Variants in PITRM1 observed in about 807,000 individuals in gnomAD.
PITRM1 encodes the protein pitrilysin metallopeptidase 1.
A neutral mutation model predicts 129.9 loss-of-function variants in PITRM1; 100 were observed. The observed-to-expected ratio is 0.77, with a 90% CI of 0.65 to 0.91. The LOEUF is 0.91. Ranked by LOEUF, PITRM1 falls within the 40% of genes least tolerant of loss-of-function variation. The pLI, the probability that PITRM1 is intolerant of heterozygous loss-of-function variation, is 0.00. For missense variants in PITRM1, 1,471 were observed against 1,318.3 expected, an observed-to-expected ratio of 1.12 and a Z score of -1.79; for synonymous variants, 591 against 508.8, an observed-to-expected ratio of 1.16 and a Z score of -2.17.
chr10:3,168,447 A>G (rs901034297), intron 2 of PITRM1, among the ~76,000 whole-genome samples: 5 of 147,246 alleles, frequency 3.4e-5, no homozygotes, highest in African/African-American at 1.3e-4. Context: ...AGTGGCTCAC[A>G]CCTATAATCC....
chr10:3,147,585 C>G lies in PITRM1; in HGVS notation c.2222G>C (p.Ser741Thr), dbSNP rs1345823650. 1.9e-6 allele frequency: 3 copies of G among 1,614,064 alleles called. No individual in the cohort carries two copies. The highest frequency in any genetic ancestry group is 2.5e-6 in the Non-Finnish European group (3 of 1,179,902). ...CAAGCTTCCCACCTGATCCATCCCG[C>G]TGAAGGTCTCCTGCAGGTCCCCTGC... ...TPAGDLQETFSGMDQVRLMKR... is the reference protein window; with the variant it reads ...TPAGDLQETFTGMDQVRLMKR... The change falls in exon 19 of 27, where the codon AGC becomes ACC. Residue 741 changes from serine (S) to threonine (T), a missense_variant. Transcript: ENST00000224949.
chr10:3,151,091 CAGA>C, intron 15 of PITRM1, 153 bp downstream of exon 15: 1 of 621,946 alleles, frequency 1.6e-6, no homozygotes, highest in Non-Finnish European at 3.0e-6. Flanking sequence ...AAGAACAAGG[CAGA>C]AGAATCGTGT....
Position 3,151,361 on chromosome 10 carries a change from G to C in PITRM1, c.1624C>G (p.Leu542Val). 6 of 1,579,476 alleles carry C rather than the reference G, an allele frequency of 3.8e-6. No homozygotes were observed. The highest frequency in any genetic ancestry group is 5.2e-6 in the Non-Finnish European group (6 of 1,152,584). Residue 542 changes from leucine (L) to valine (V), a missense_variant and splice_region_variant, in exon 15 of 27, where the codon CTA becomes GTA. Transcript: ENST00000224949. ...GDRQQIYEKG[L>V]ELRSQQSKPQ... is the part of the protein sequence containing the mutation. ...TTGCTTTGTTGACTCCGTAATTCTA[G>C]ACCTAAAAAAGAAACAAGAAAAAGG... is the stretch of plus-strand genomic sequence containing the variant.
intron 15 of PITRM1, among the ~76,000 whole-genome samples, chr10:3,150,004 C>T (rs931055961): frequency 6.6e-5 from 10 of 152,124 alleles, no homozygotes; most frequent in African/African-American, 2.4e-4. Context: ...CTCATAACTG[C>T]GAGTTCCAGT....
intron 2 of PITRM1, among the ~76,000 whole-genome samples, chr10:3,168,750 C>G (rs968242019): frequency 2.6e-5 from 4 of 152,188 alleles, no homozygotes; most frequent in African/African-American, 7.2e-5. Context: ...CCCAGCCATG[C>G]AGAACTGTGA....
intron 18 of PITRM1, 41 bp from the exon 19 acceptor site, chr10:3,147,778 C>A: frequency 6.6e-7 from 1 of 1,514,684 alleles, no homozygotes; most frequent in Middle Eastern, 1.8e-4. Context: ...GAGACCCATT[C>A]CTCACGTCCC....
intron 2 of PITRM1, 95 bp from the exon 3 acceptor site, chr10:3,167,137 C>T: frequency 4.3e-6 from 3 of 694,710 alleles, no homozygotes; most frequent in Non-Finnish European, 7.4e-6. Context: ...GCTTTTCTGC[C>T]TGAAATTAGA....
Position 3,159,050 on chromosome 10 carries a change from G to GA in PITRM1, c.1008-9dup, listed in dbSNP as rs370651887. 9.4e-4 allele frequency: 1,445 copies of GA among 1,542,722 alleles called. 12 individuals carry two copies. The African/African-American group carries it at 0.013, about 14-fold the overall frequency. Reference sequence around the variant, plus strand: ...TCAAATGTGTCGGTGATGCTGCATTGAAAAAAAAAGGAACGGGGAGGTAAG... The same window carrying GA: ...TCAAATGTGTCGGTGATGCTGCATTGAAAAAAAAAAGGAACGGGGAGGTAAG... On this transcript the variant is annotated splice_polypyrimidine_tract_variant and intron_variant, in intron 9 of 26. Transcript: ENST00000224949.
intron 13 of PITRM1, 43 bp downstream of exon 13, chr10:3,156,887 T>C: frequency 7.5e-7 from 1 of 1,337,590 alleles, no homozygotes; most frequent in Non-Finnish European, 1.0e-6. Context: ...TAGTATAAAA[T>C]TCAACTTCAA....
intron 14 of PITRM1, among the ~76,000 whole-genome samples, chr10:3,152,747 G>A (rs968010944): frequency 2.0e-5 from 3 of 152,246 alleles, no homozygotes; most frequent in Non-Finnish European, 4.4e-5. Flanking sequence ...TTGCCACAAA[G>A]CTCCCTCCTG....
rs572559515 is a variant in PITRM1 at position 3,169,251 on chromosome 10, T to C, written c.159+853A>G. Among the ~76,000 whole-genome samples, 3 of 152,350 alleles carry C rather than the reference T, an allele frequency of 2.0e-5. No homozygotes were observed. In the South Asian group the frequency reaches 6.2e-4, roughly 32 times the overall value. On this transcript the variant is annotated intron_variant, in intron 2 of 26. Coordinates refer to ENST00000224949, the MANE Select transcript of PITRM1 (RefSeq NM_014889.4). The stretch of plus-strand genomic sequence containing the variant: ...TTCACAAACGCTCCAAGTCTTTTCA[T>C]GAGTCCCATGCCTGGACCTTGTCTG...
chr10:3,153,650 A>C (rs190441151), intron 14 of PITRM1, among the ~76,000 whole-genome samples: 14 of 152,182 alleles, frequency 9.2e-5, no homozygotes, highest in Admixed American at 1.3e-4. Flanking sequence ...ACAAAAAAAA[A>C]CCAGTTGTCT....
chr10:3,144,667 T>C (rs1840660332), intron 21 of PITRM1, among the ~76,000 whole-genome samples: 1 of 152,114 alleles, frequency 6.6e-6, no homozygotes, highest in Non-Finnish European at 1.5e-5. Context: ...TAGCTGGGCA[T>C]GGTGGTGCAC....
rs770890944 is a variant in PITRM1 at position 3,138,906 on chromosome 10, TTGTC to T, written c.2911_2914del (p.Asp971LysfsTer14). The T allele has an allele frequency of 3.1e-6, 5 of 1,613,732 alleles. No individual in the cohort carries two copies. Among genetic ancestry groups the T allele is most frequent in the African/African-American group, 2.7e-5 (2 of 74,930 alleles). Reference sequence around the variant, plus strand: ...TCTCACTGTTATACTCAAAATACCTTTGTCTGAAGGAGCGACAGGAGCATCTACG... The same window carrying T: ...TCTCACTGTTATACTCAAAATACCTTTGAAGGAGCGACAGGAGCATCTACG... On this transcript the variant is annotated frameshift_variant, in exon 25 of 27. Transcript: ENST00000224949. LOFTEE classifies it high-confidence loss of function.
chr10:3,152,859 AC>A (rs1467226199), intron 14 of PITRM1, among the ~76,000 whole-genome samples: 3 of 152,128 alleles, frequency 2.0e-5, no homozygotes, highest in South Asian at 2.1e-4. Context: ...GAATGCACTC[AC>A]TCACAGTTGG....
chr10:3,166,572 C>T (rs1842885383), intron 3 of PITRM1, among the ~76,000 whole-genome samples, 192 bp from the exon 4 acceptor site: 1 of 152,094 alleles, frequency 6.6e-6, no homozygotes, highest in African/African-American at 2.4e-5. Context: ...GATTATAAGT[C>T]AGTGTAAACT....
At position 3,158,013 on chromosome 10, in the gene PITRM1, A is replaced by G. The variant is rs756100291; in HGVS notation, c.1250+27T>C. On this transcript the variant is annotated intron_variant, in intron 11 of 26. Transcript: ENST00000224949. ...GCACACAGGAATGAGGAACGAAAGC[A>G]GATTGTTACAAACAAGCTACACTCA... The G allele has an allele frequency of 5.1e-6, 7 of 1,374,788 alleles. No individual in the cohort carries two copies. In the Admixed American group the frequency reaches 1.0e-4, roughly 20 times the overall value. The allele number at this position is 1,374,788 out of a possible 1,614,324, so 85.2% of individuals were successfully genotyped here.
intron 16 of PITRM1, 23 bp downstream of exon 16, chr10:3,149,598 C>G (rs773870570): frequency 2.6e-6 from 4 of 1,525,244 alleles, no homozygotes; most frequent in African/African-American, 1.4e-5. Context: ...ATAAGACACA[C>G]AAGGGTATGT....
At position 3,172,241 on chromosome 10, in the gene PITRM1, T is replaced by C. The variant is rs185884037; in HGVS notation, c.56+476A>G. The C allele has an allele frequency of 1.8e-3, 839 of 458,356 alleles. 8 individuals are homozygous for C. The highest frequency in any genetic ancestry group is 0.015 in the African/African-American group (765 of 50,234). The allele number at this position is 458,356 out of a possible 1,614,324, so 28.4% of individuals were successfully genotyped here. A position where few individuals can be genotyped will look rare whatever the true frequency, so the allele number is the denominator to read the frequency against. On this transcript the variant is annotated intron_variant, in intron 1 of 26. Transcript: ENST00000224949. The stretch of plus-strand genomic sequence containing the variant: ...ACACTAAACTGCTTCGTCATTTTTT[T>C]CCCCATAAATTGAGTCATTAAAAAA...
Sources: allele counts gnomAD v4.1 joint callset (sites outside exome capture counted in the v4.1 genomes callset), GRCh38; gene constraint gnomAD v4.1.1; transcripts MANE v1.5; gene names NCBI Gene and HGNC (gene_info 2026-07-23, HGNC 2026-07-21).